The following CACNA2D3 variants were observed in gnomAD, a reference collection of about 807,000 sequenced individuals.
CACNA2D3 encodes voltage-dependent calcium channel subunit alpha-2/delta-3.
CACNA2D3 carries 60 observed loss-of-function variants against 160.6 expected under a neutral mutation model. The observed-to-expected ratio is 0.37, with a 90% CI of 0.30 to 0.46. The LOEUF (loss-of-function observed/expected upper bound fraction) is 0.46. CACNA2D3 is among the 20% of genes least tolerant of loss of function. The pLI is 1.00. For synonymous variants in CACNA2D3, 558 were observed against 492.9 expected, an observed-to-expected ratio of 1.13 and a Z score of -1.75; for missense variants, 1,205 against 1,365.0, an observed-to-expected ratio of 0.88 and a Z score of 1.85.
chr3:54,533,794 AG>A (rs1701842771), intron 5 of CACNA2D3, among the ~76,000 whole-genome samples: 2 of 149,860 alleles, frequency 1.3e-5, no homozygotes, highest in African/African-American at 4.9e-5. Flanking sequence ...AATGGAAAAT[AG>A]TGTGTGTGTG....
At position 54,935,016 on chromosome 3, in the gene CACNA2D3, G is replaced by T. The variant is rs1487754110; in HGVS notation, c.2450-33434G>T. 6.4e-4 allele frequency among the ~76,000 whole-genome samples: 97 copies of T among 152,226 alleles called. 1 individual carries two copies. Among genetic ancestry groups the T allele is most frequent in the Admixed American group, 6.3e-3 (97 of 15,286 alleles). Reference sequence around the variant, plus strand: ...GCCTCCCAAAGTGCTGGGACTGCAGGCATGAGCCATGGCGCCCAAGTCTGG... The same window carrying T: ...GCCTCCCAAAGTGCTGGGACTGCAGTCATGAGCCATGGCGCCCAAGTCTGG... On this transcript the variant is annotated intron_variant, in intron 27 of 37. Transcript: ENST00000474759.
intron 11 of CACNA2D3, among the ~76,000 whole-genome samples, chr3:54,679,161 C>G (rs1314149491): frequency 6.6e-6 from 1 of 152,266 alleles, no homozygotes; most frequent in East Asian, 1.9e-4. Flanking sequence ...GGTCCTTTTC[C>G]TTAGCCTCCT....
At chr3:55,038,727 A>G (rs1317020333) in intron 35 of CACNA2D3, among the ~76,000 whole-genome samples, 1 of 151,730 alleles carries the variant, frequency 6.6e-6, no homozygotes, top group Non-Finnish European at 1.5e-5. Context: ...GTTCCATAAA[A>G]CCCACCTTGA....
At chr3:54,870,817 G>A (rs115208334) in intron 17 of CACNA2D3, among the ~76,000 whole-genome samples, 2,552 of 152,278 alleles carry the variant, frequency 0.017, 65 homozygotes, top group African/African-American at 0.057. Flanking sequence ...GTGTGACAGC[G>A]AATAGATGGT....
At chr3:54,235,298 A>G (rs1263866369) in intron 2 of CACNA2D3, among the ~76,000 whole-genome samples, 2 of 152,184 alleles carry the variant, frequency 1.3e-5, no homozygotes, top group Admixed American at 6.5e-5. Flanking sequence ...ATTTATAAAG[A>G]AAAGAGGTTT....
rs74728613 is a variant in CACNA2D3, at chr3:54,902,375, C to T, written c.2449+2507C>T. The stretch of plus-strand genomic sequence containing the variant: ...TTTTAAACAAAAACATTTAGATACT[C>T]ATCTGTCAATGACACCTTTGAAGAA... On this transcript the variant is annotated intron_variant, in intron 27 of 37. Transcript: ENST00000474759. 1.2e-3 allele frequency among the ~76,000 whole-genome samples: 184 copies of T among 152,244 alleles called. 1 individual carries two copies. Among genetic ancestry groups the T allele is most frequent in the Admixed American group, 2.4e-3 (36 of 15,280 alleles).
At chr3:54,918,841 T>C (rs1179897951) in intron 27 of CACNA2D3, 1 of 1,586,010 alleles carries the variant, frequency 6.3e-7, no homozygotes, top group Non-Finnish European at 8.6e-7. Flanking sequence ...AAGGAGGTCC[T>C]TTCCCTTCCA....
chr3:54,586,275 A>AAAAAG (rs2106747584), intron 9 of CACNA2D3, among the ~76,000 whole-genome samples: 1 of 151,974 alleles, frequency 6.6e-6, no homozygotes, highest in South Asian at 2.1e-4. Flanking sequence ...AAAAAAAAAA[A>AAAAAG]AAAAAGAAAC....
intron 17 of CACNA2D3, among the ~76,000 whole-genome samples, chr3:54,860,015 A>AAC (rs781001453): frequency 1.2e-5 from 1 of 80,198 alleles, no homozygotes; most frequent in East Asian, 3.8e-4. Flanking sequence ...CACACACACA[A>AAC]ACACACATAT....
At chr3:54,651,772 CTTT>C (rs1699769156) in intron 11 of CACNA2D3, among the ~76,000 whole-genome samples, 1 of 152,120 alleles carries the variant, frequency 6.6e-6, no homozygotes. Flanking sequence ...AAAGGCTTAG[CTTT>C]ACCGTGGCGC....
chr3:54,466,820 A>T (rs1327011332), intron 4 of CACNA2D3, among the ~76,000 whole-genome samples: 1 of 152,080 alleles, frequency 6.6e-6, no homozygotes, highest in South Asian at 2.1e-4. Flanking sequence ...AAACTTTGGG[A>T]CAGTTGGTTG....
intron 4 of CACNA2D3, among the ~76,000 whole-genome samples, chr3:54,448,042 G>T (rs2106810070): frequency 6.6e-6 from 1 of 152,164 alleles, no homozygotes; most frequent in East Asian, 1.9e-4. Context: ...CTGGCTTCAG[G>T]TAAGGATGAA....
chr3:54,733,857 G>A (rs916105935), intron 11 of CACNA2D3, among the ~76,000 whole-genome samples: 2 of 151,998 alleles, frequency 1.3e-5, no homozygotes, highest in East Asian at 1.9e-4. Context: ...AGATGATGTC[G>A]ATTTAATTTC....
chr3:54,784,339 C>G (rs1038890823), intron 13 of CACNA2D3, among the ~76,000 whole-genome samples: 1 of 152,110 alleles, frequency 6.6e-6, no homozygotes, highest in African/African-American at 2.4e-5. Context: ...AACCTTGGGG[C>G]TAAGAGTTGG....
At chr3:54,656,613 G>T (rs1171636581) in intron 11 of CACNA2D3, among the ~76,000 whole-genome samples, 1 of 152,214 alleles carries the variant, frequency 6.6e-6, no homozygotes, top group Non-Finnish European at 1.5e-5. Context: ...TAGGAAAAGT[G>T]CCCAGTGTGC....
intron 4 of CACNA2D3, among the ~76,000 whole-genome samples, chr3:54,397,500 G>A (rs907161858): frequency 1.5e-5 from 2 of 131,896 alleles, no homozygotes; most frequent in Non-Finnish European, 3.2e-5. Flanking sequence ...GCGTCCCAGA[G>A]ATTCTGGTAT....
intron 2 of CACNA2D3, among the ~76,000 whole-genome samples, chr3:54,230,445 A>G: frequency 6.6e-6 from 1 of 152,360 alleles, no homozygotes; most frequent in African/African-American, 2.4e-5. Context: ...TGTGAGGGTC[A>G]TTAATTTCTG....
chr3:54,497,288 T>TC (rs1173439304), intron 4 of CACNA2D3, among the ~76,000 whole-genome samples: 3 of 150,940 alleles, frequency 2.0e-5, no homozygotes, highest in Non-Finnish European at 3.0e-5. Context: ...AAACAAATAT[T>TC]TGTGGTTTTT....
At chr3:54,347,581 A>T (rs2107530256) in intron 3 of CACNA2D3, among the ~76,000 whole-genome samples, 1 of 152,212 alleles carries the variant, frequency 6.6e-6, no homozygotes, top group African/African-American at 2.4e-5. Flanking sequence ...ATTAAACATC[A>T]GATGTTTGTG....
Sources: allele counts gnomAD v4.1 joint callset (sites outside exome capture counted in the v4.1 genomes callset), GRCh38; gene constraint gnomAD v4.1.1; transcripts MANE v1.5; gene names NCBI Gene and HGNC (gene_info 2026-07-23, HGNC 2026-07-21).